Variants in UBE4B observed in about 807,000 individuals in gnomAD.
The protein encoded by UBE4B is ubiquitination factor E4B.
Under a neutral mutation model 148.1 loss-of-function variants are expected in UBE4B, and 27 were observed. The observed-to-expected ratio is 0.18, with a 90% confidence interval of 0.13 to 0.25. The LOEUF (loss-of-function observed/expected upper bound fraction) is 0.25. Ranked by LOEUF, UBE4B falls within the 10% of genes least tolerant of loss-of-function variation. The pLI is 1.00. For missense variants in UBE4B, 1,170 were observed against 1,662.4 expected, an observed-to-expected ratio of 0.70 and a Z score of 5.15; for synonymous variants, 596 against 619.3, an observed-to-expected ratio of 0.96 and a Z score of 0.56.
At chr1:10,147,157 C>A in intron 19 of UBE4B, 67 bp downstream of exon 19, 1 of 1,601,352 alleles carries the variant, frequency 6.2e-7, no homozygotes. Flanking sequence ...TATTGTCCTT[C>A]AAAGTTGATA....
At chr1:10,107,898 G>A (rs982974530) in intron 7 of UBE4B, among the ~76,000 whole-genome samples, 4 of 151,978 alleles carry the variant, frequency 2.6e-5, no homozygotes, top group Admixed American at 1.3e-4. Flanking sequence ...CAGAGTTGTC[G>A]CCTGGCAAGT....
chr1:10,169,876 G>T (rs148188955), intron 24 of UBE4B, among the ~76,000 whole-genome samples: 2 of 152,122 alleles, frequency 1.3e-5, no homozygotes, highest in African/African-American at 4.8e-5. Flanking sequence ...TTAGCCAGGC[G>T]TGGTAGTGCA....
At position 10,180,270 on chromosome 1, in the gene UBE4B, T is replaced by C. The variant is rs1646487535; in HGVS notation, c.*314T>C. 2 of 404,332 alleles carry C rather than the reference T, an allele frequency of 4.9e-6. No homozygotes were observed. The highest frequency in any genetic ancestry group is 9.0e-6 in the Non-Finnish European group (2 of 223,276). 25.0% of individuals were successfully genotyped at this position (404,332 alleles called of 1,614,324 possible). ...ACGGAAGTCTTTTAGTGATGGCTAA[T>C]GGGTCTGGGCAGCATCCCTTCATGA... On this transcript the variant is annotated 3_prime_UTR_variant, in exon 28 of 28. Coordinates refer to ENST00000343090, the MANE Select transcript of UBE4B (RefSeq NM_001105562.3).
chr1:10,067,620 C>CTT (rs745988061), intron 1 of UBE4B, among the ~76,000 whole-genome samples: 8 of 143,568 alleles, frequency 5.6e-5, no homozygotes, highest in Admixed American at 2.1e-4. Context: ...ATTAGATACA[C>CTT]TTTTTTTTTT....
intron 20 of UBE4B, among the ~76,000 whole-genome samples, chr1:10,149,899 A>G (rs1190848972): frequency 6.6e-6 from 1 of 152,192 alleles, no homozygotes; most frequent in Non-Finnish European, 1.5e-5. Flanking sequence ...TCATGCTTGT[A>G]GTCCCAGACA....
intron 25 of UBE4B, among the ~76,000 whole-genome samples, chr1:10,175,507 C>G (rs987411958): frequency 6.8e-6 from 1 of 147,138 alleles, no homozygotes; most frequent in Non-Finnish European, 1.5e-5. Context: ...AAAAATTAGC[C>G]AGGCGTGGTG....
intron 12 of UBE4B, 44 bp downstream of exon 12, chr1:10,129,492 T>G (rs760539841): frequency 6.3e-7 from 1 of 1,580,686 alleles, no homozygotes; most frequent in Non-Finnish European, 8.7e-7. Context: ...AGTGAATATA[T>G]CATAACCCAG....
chr1:10,099,685 A>G (rs1302976271), intron 3 of UBE4B, among the ~76,000 whole-genome samples: 1 of 152,178 alleles, frequency 6.6e-6, no homozygotes, highest in Non-Finnish European at 1.5e-5. Context: ...GAGAAGAATA[A>G]AGTGGAGACA....
intron 9 of UBE4B, 51 bp from the exon 10 acceptor site, chr1:10,121,911 C>T: frequency 8.0e-7 from 1 of 1,257,504 alleles, no homozygotes; most frequent in Non-Finnish European, 1.1e-6. Flanking sequence ...TTTCACGTGC[C>T]TCTGTAGTGA....
intron 22 of UBE4B, among the ~76,000 whole-genome samples, chr1:10,158,922 A>G (rs1474705296): frequency 1.3e-5 from 2 of 151,664 alleles, no homozygotes; most frequent in Non-Finnish European, 2.9e-5. Context: ...AGGCAGGAGA[A>G]TCACTTGAAC....
chr1:10,138,440 G>A (rs867816559), intron 17 of UBE4B, among the ~76,000 whole-genome samples: 8 of 151,800 alleles, frequency 5.3e-5, no homozygotes, highest in African/African-American at 1.9e-4. Flanking sequence ...CTCCATGTTG[G>A]TCAGGCTGGT....
Position 10,123,382 on chromosome 1 carries a change from A to T in UBE4B, c.1554+1306A>T, listed in dbSNP as rs978191310. ...GGAGACGAGGTTGCAGTGAGCCGAGATTACACCACTGCATTCCAGCCTGGG... is the reference window on the plus strand; with the variant it reads ...GGAGACGAGGTTGCAGTGAGCCGAGTTTACACCACTGCATTCCAGCCTGGG... On this transcript the variant is annotated intron_variant, in intron 10 of 27. Coordinates refer to ENST00000343090, the MANE Select transcript of UBE4B (RefSeq NM_001105562.3). 2.1e-5 allele frequency among the ~76,000 whole-genome samples: 3 copies of T among 144,080 alleles called. 1 individual carries two copies. Among genetic ancestry groups the T allele is most frequent in the Non-Finnish European group, 4.5e-5 (3 of 66,384 alleles). The allele number at this position is 144,080 out of a possible 152,430, so 94.5% of individuals were successfully genotyped here. A position where few individuals can be genotyped will look rare whatever the true frequency, so the allele number is the denominator to read the frequency against.
chr1:10,135,765 A>G (rs1319697655), intron 16 of UBE4B, among the ~76,000 whole-genome samples: 1 of 148,276 alleles, frequency 6.7e-6, no homozygotes, highest in Non-Finnish European at 1.5e-5. Flanking sequence ...ATACAAATTG[A>G]AAAAAAAAAT....
At chr1:10,035,583 T>C (rs1643486724) in intron 1 of UBE4B, among the ~76,000 whole-genome samples, 1 of 146,448 alleles carries the variant, frequency 6.8e-6, no homozygotes, top group Admixed American at 7.0e-5. Flanking sequence ...TTTTTTTGTG[T>C]TTTTAGTAGA....
intron 21 of UBE4B, among the ~76,000 whole-genome samples, chr1:10,157,965 T>C (rs1012588162): frequency 1.3e-5 from 2 of 152,154 alleles, no homozygotes; most frequent in African/African-American, 4.8e-5. Flanking sequence ...TACATGGCCC[T>C]CAATAAAATT....
chr1:10,066,403 A>G (rs1052739393), intron 1 of UBE4B, among the ~76,000 whole-genome samples: 1 of 151,654 alleles, frequency 6.6e-6, no homozygotes, highest in Non-Finnish European at 1.5e-5. Context: ...TGCTGAGATT[A>G]CAGGTGTGAG....
At chr1:10,103,958 C>T (rs1645060053) in intron 5 of UBE4B, among the ~76,000 whole-genome samples, 2 of 151,512 alleles carry the variant, frequency 1.3e-5, no homozygotes, top group Non-Finnish European at 2.9e-5. Flanking sequence ...GACAGGATTT[C>T]ACCATGTTGG....
At position 10,106,633 on chromosome 1, in the gene UBE4B, G is replaced by C. The variant is rs771834718; in HGVS notation, c.1196+50G>C. On this transcript the variant is annotated intron_variant, in intron 7 of 27. Transcript: ENST00000343090. This position sits in a 1 kb window ranked among gnomAD's most constrained non-coding sequence, Gnocchi z 4.2. ...ATGTGTGTTTGCGGTGCAGGGAAAGGAGATTAACACGGTTTGGAAGAAGTG... is the reference window on the plus strand; with the variant it reads ...ATGTGTGTTTGCGGTGCAGGGAAAGCAGATTAACACGGTTTGGAAGAAGTG... The C allele has an allele frequency of 1.3e-6, 2 of 1,488,596 alleles. No homozygotes were observed. The highest frequency in any genetic ancestry group is 1.8e-6 in the Non-Finnish European group (2 of 1,127,852). 92.2% of individuals were successfully genotyped at this position (1,488,596 alleles called of 1,614,324 possible).
At chr1:10,141,720 A>G (rs1295216527) in intron 17 of UBE4B, among the ~76,000 whole-genome samples, 1 of 152,164 alleles carries the variant, frequency 6.6e-6, no homozygotes, top group Non-Finnish European at 1.5e-5. Flanking sequence ...ATGGGTTAGA[A>G]CCTAGGGGAA....
Sources: allele counts gnomAD v4.1 joint callset (sites outside exome capture counted in the v4.1 genomes callset), GRCh38; gene constraint gnomAD v4.1.1; non-coding constraint Gnocchi (gnomAD v3.1); transcripts MANE v1.5; gene names NCBI Gene and HGNC (gene_info 2026-07-23, HGNC 2026-07-21).